The following STAG1 variants were observed in gnomAD, a reference collection of about 807,000 sequenced individuals.
STAG1 encodes the protein cohesin subunit SA-1.
STAG1 carries 26 observed loss-of-function variants against 170.9 expected under a neutral mutation model. The ratio of observed to expected loss-of-function variants is 0.15; its 90% CI spans 0.11 to 0.21. The LOEUF (loss-of-function observed/expected upper bound fraction) is 0.21, where lower values mean the gene tolerates loss of function less well. STAG1 is among the 10% of genes least tolerant of loss of function. The pLI, the probability that STAG1 is intolerant of heterozygous loss-of-function variation, is 1.00. For synonymous variants in STAG1, 514 were observed against 497.7 expected, an observed-to-expected ratio of 1.03 and a Z score of -0.44; for missense variants, 964 against 1,509.5, an observed-to-expected ratio of 0.64 and a Z score of 5.99.
At chr3:136,686,839 T>A (rs1942547351) in intron 1 of STAG1, among the ~76,000 whole-genome samples, 1 of 152,206 alleles carries the variant, frequency 6.6e-6, no homozygotes, top group Non-Finnish European at 1.5e-5. Context: ...TTCAGCTACT[T>A]AAGTAATTCA....
intron 21 of STAG1, among the ~76,000 whole-genome samples, chr3:136,411,156 G>C (rs1163338556): frequency 6.6e-6 from 1 of 152,162 alleles, no homozygotes; most frequent in Non-Finnish European, 1.5e-5. Context: ...TATGGGTGTA[G>C]TCGCACAATT....
intron 9 of STAG1, among the ~76,000 whole-genome samples, chr3:136,478,123 T>C (rs1304279983): frequency 1.3e-5 from 2 of 152,162 alleles, no homozygotes; most frequent in South Asian, 4.1e-4. Context: ...AGCACACATG[T>C]AATGAATTAA....
intron 21 of STAG1, among the ~76,000 whole-genome samples, chr3:136,411,499 T>C (rs2087622907): frequency 6.6e-6 from 1 of 152,198 alleles, no homozygotes; most frequent in African/African-American, 2.4e-5. Flanking sequence ...AATTCTGAAA[T>C]GTGTGCTTTT....
chr3:136,652,238 G>C (rs922702638), intron 1 of STAG1, among the ~76,000 whole-genome samples: 1 of 152,162 alleles, frequency 6.6e-6, no homozygotes, highest in Non-Finnish European at 1.5e-5. Context: ...ATTGTTAAAA[G>C]ACAAATATAC....
At chr3:136,427,222 C>T (rs1289725004) in intron 16 of STAG1, among the ~76,000 whole-genome samples, 5 of 150,766 alleles carry the variant, frequency 3.3e-5, no homozygotes, top group Non-Finnish European at 7.4e-5. Flanking sequence ...GAGCGAGACT[C>T]CAACTCAAAA....
Position 136,479,078 on chromosome 3 carries a change from A to T in STAG1, c.903-1666T>A, listed in dbSNP as rs923265468. On this transcript the variant is annotated intron_variant, in intron 9 of 33. Transcript: ENST00000383202. ...AATCTTTCTTTTTTTTTTTTTTTTA[A>T]TTTTTTTTTTTATTATACTTTAAGT... Among the ~76,000 whole-genome samples, 585 of 126,358 alleles carry T rather than the reference A, an allele frequency of 4.6e-3. 1 individual carries two copies. The highest frequency in any genetic ancestry group is 8.5e-3 in the African/African-American group (287 of 33,604). The allele number at this position is 126,358 out of a possible 152,430, so 82.9% of individuals were successfully genotyped here.
intron 13 of STAG1, among the ~76,000 whole-genome samples, chr3:136,454,564 G>C (rs146435527): frequency 0.011 from 1,720 of 151,104 alleles, 30 homozygotes; most frequent in East Asian, 0.049. Flanking sequence ...ATTTTTAGTA[G>C]AGATGGGGTT....
chr3:136,536,300 A>G (rs1255183474), intron 6 of STAG1, among the ~76,000 whole-genome samples: 1 of 152,214 alleles, frequency 6.6e-6, no homozygotes, highest in African/African-American at 2.4e-5. Context: ...CAGCAGTAAG[A>G]AATCGATAAT....
At chr3:136,455,246 T>C (rs1471183708) in intron 13 of STAG1, among the ~76,000 whole-genome samples, 1 of 152,170 alleles carries the variant, frequency 6.6e-6, no homozygotes, top group Admixed American at 6.5e-5. Context: ...CCAGAAACTA[T>C]TCAAACACAA....
intron 6 of STAG1, among the ~76,000 whole-genome samples, chr3:136,527,807 A>C (rs778851138): frequency 1.3e-5 from 2 of 152,098 alleles, no homozygotes; most frequent in Non-Finnish European, 2.9e-5. Context: ...TCTTACAGTC[A>C]AGACCCTCAG....
intron 24 of STAG1, 81 bp downstream of exon 24, chr3:136,369,027 G>C: frequency 7.9e-7 from 1 of 1,273,468 alleles, no homozygotes; most frequent in Non-Finnish European, 1.0e-6. Flanking sequence ...ATAATTTTTA[G>C]AACTGAATTT....
At chr3:136,452,801 C>G (rs967208672) in intron 13 of STAG1, among the ~76,000 whole-genome samples, 5 of 151,888 alleles carry the variant, frequency 3.3e-5, no homozygotes, top group African/African-American at 1.2e-4. Flanking sequence ...GTTCTATTTT[C>G]TTTTTTGAGA....
At chr3:136,543,734 G>A (rs1404121147) in intron 5 of STAG1, among the ~76,000 whole-genome samples, 1 of 152,144 alleles carries the variant, frequency 6.6e-6, no homozygotes, top group Non-Finnish European at 1.5e-5. Context: ...TTTCTTCAAT[G>A]TTCTAACTGC....
intron 29 of STAG1, among the ~76,000 whole-genome samples, chr3:136,345,230 C>T (rs1936169650): frequency 6.6e-6 from 1 of 152,114 alleles, no homozygotes; most frequent in Non-Finnish European, 1.5e-5. Flanking sequence ...GCTGGGATTA[C>T]AGGCATCTGC....
At chr3:136,511,491 T>C (rs1934061939) in intron 7 of STAG1, among the ~76,000 whole-genome samples, 1 of 152,204 alleles carries the variant, frequency 6.6e-6, no homozygotes, top group Admixed American at 6.5e-5. Flanking sequence ...ATCCTGTCTT[T>C]TGCAGGGACA....
chr3:136,550,451 G>A (rs1047869753), intron 5 of STAG1, among the ~76,000 whole-genome samples: 1 of 152,028 alleles, frequency 6.6e-6, no homozygotes, highest in Admixed American at 6.6e-5. Context: ...GGGATTACAG[G>A]CGCCCACCAC....
At chr3:136,523,727 G>A (rs965565498) in intron 6 of STAG1, among the ~76,000 whole-genome samples, 10 of 152,076 alleles carry the variant, frequency 6.6e-5, no homozygotes, top group Non-Finnish European at 1.5e-4. Flanking sequence ...TATGGTTTTA[G>A]GTCTAACATG....
At chr3:136,679,314 T>C (rs1359726801) in intron 1 of STAG1, among the ~76,000 whole-genome samples, 1 of 152,124 alleles carries the variant, frequency 6.6e-6, no homozygotes, top group Non-Finnish European at 1.5e-5. Context: ...GCACGGTGGC[T>C]CATGCCTGTA....
chr3:136,569,731 A>G (rs1447025212), intron 4 of STAG1, among the ~76,000 whole-genome samples: 1 of 152,128 alleles, frequency 6.6e-6, no homozygotes, highest in Non-Finnish European at 1.5e-5. Context: ...AAATAACTTA[A>G]TAGTGCAATA....
Sources: allele counts gnomAD v4.1 joint callset (sites outside exome capture counted in the v4.1 genomes callset), GRCh38; gene constraint gnomAD v4.1.1; transcripts MANE v1.5; gene names NCBI Gene and HGNC (gene_info 2026-07-23, HGNC 2026-07-21).